Variants in GSAP observed in about 807,000 individuals in gnomAD.
The protein encoded by GSAP is gamma-secretase activating protein, also known as gamma-secretase-activating protein.
Under a neutral mutation model 131.7 loss-of-function variants are expected in GSAP, and 118 were observed. The observed-to-expected ratio is 0.90, with a 90% confidence interval of 0.77 to 1.04. The LOEUF is 1.04. GSAP is among the 50% of genes least tolerant of loss of function. The pLI, the probability that GSAP is intolerant of heterozygous loss-of-function variation, is 0.00. For missense variants in GSAP, 1,019 were observed against 1,013.2 expected (o/e 1.01, Z -0.08); for synonymous variants, 381 against 363.4 (o/e 1.05, Z -0.55).
intron 5 of GSAP, among the ~76,000 whole-genome samples, chr7:77,392,104 G>A (rs371935421): frequency 8.6e-5 from 13 of 151,988 alleles, no homozygotes; most frequent in Middle Eastern, 3.4e-3. Context: ...GGATGCCTGC[G>A]GTGCTGGCTA....
At chr7:77,367,014 G>C (rs1399049923) in intron 12 of GSAP, among the ~76,000 whole-genome samples, 1 of 152,086 alleles carries the variant, frequency 6.6e-6, no homozygotes, top group Non-Finnish European at 1.5e-5. Flanking sequence ...TTTCTGATTT[G>C]GCTCTTGACT....
chr7:77,312,493 G>A (rs1241202791), intron 28 of GSAP, among the ~76,000 whole-genome samples: 1 of 152,174 alleles, frequency 6.6e-6, no homozygotes, highest in Non-Finnish European at 1.5e-5. Flanking sequence ...AGATGGGCAT[G>A]CCAACTCTGA....
intron 10 of GSAP, among the ~76,000 whole-genome samples, chr7:77,375,708 G>A (rs1003129223): frequency 1.3e-5 from 2 of 151,980 alleles, no homozygotes; most frequent in Non-Finnish European, 2.9e-5. Context: ...GCTGGTCATG[G>A]TGACAGGTGC....
At chr7:77,351,778 C>T (rs960895037) in intron 18 of GSAP, 12 of 954,704 alleles carry the variant, frequency 1.3e-5, no homozygotes, top group Middle Eastern at 5.4e-4. Flanking sequence ...TTTAACACAA[C>T]CCTGGGAACC....
intron 5 of GSAP, among the ~76,000 whole-genome samples, chr7:77,392,928 C>G (rs756846698): frequency 1.3e-5 from 2 of 152,124 alleles, no homozygotes; most frequent in East Asian, 1.9e-4. Flanking sequence ...TGGAAATCTG[C>G]TGTGACTTGT....
chr7:77,339,688 T>C (rs77750950), intron 19 of GSAP, among the ~76,000 whole-genome samples: 4 of 150,684 alleles, frequency 2.7e-5, no homozygotes, highest in Non-Finnish European at 5.9e-5. Flanking sequence ...CAGAAACACA[T>C]GGAGGACATA....
rs752244308 is a variant in GSAP, at chr7:77,314,387, A to G, written c.2192T>C (p.Val731Ala). The part of the protein sequence containing the change: ...SGVLLLTETA[V>A]IRLMKDLDNT... The stretch of plus-strand genomic sequence containing the variant: ...CTTCTTACCTTTCATGAGCCTTATG[A>G]CAGCTGTTTCAGTGAGAAGCAACAC... The change falls in exon 27 of 31, where the codon GTC becomes GCC. Residue 731 changes from valine to alanine, a missense_variant. Coordinates refer to ENST00000257626, the MANE Select transcript of GSAP (RefSeq NM_017439.4). 2.7e-5 allele frequency: 44 copies of G among 1,613,756 alleles called. No individual in the cohort carries two copies. The highest frequency in any genetic ancestry group is 3.4e-5 in the Non-Finnish European group (40 of 1,179,782).
chr7:77,403,647 A>C (rs74946997), intron 3 of GSAP, among the ~76,000 whole-genome samples: 14,803 of 152,238 alleles, frequency 0.097, 835 homozygotes, highest in South Asian at 0.2. Flanking sequence ...GTTAAGCAGA[A>C]GCAGAAAGAG....
chr7:77,375,186 G>A (rs1796672733), intron 10 of GSAP, 85 bp from the exon 11 acceptor site: 4 of 723,068 alleles, frequency 5.5e-6, no homozygotes, highest in Admixed American at 2.6e-5. Context: ...AAGTAAACCA[G>A]AAAAATATTA....
chr7:77,377,348 C>T lies in GSAP; in HGVS notation c.619G>A (p.Glu207Lys), dbSNP rs1330458886. Residue 207 changes from glutamate (E) to lysine (K), a missense_variant, in exon 9 of 31, where the codon GAG becomes AAG. Transcript: ENST00000257626. ...SGHLPRDRIA[E>K]DFVWAQWDMS... ...TCCCACTGAGCCCAAACGAAATCCT[C>T]AGCTATTCTGTCTCTTGGGAGATGG... The T allele has an allele frequency of 3.2e-6, 5 of 1,577,840 alleles. No homozygotes were observed. In the African/African-American group the frequency reaches 5.7e-5, roughly 18 times the overall value.
At chr7:77,385,970 ACACAGTTCATTC>A (rs1180473837) in intron 6 of GSAP, among the ~76,000 whole-genome samples, 1 of 152,236 alleles carries the variant, frequency 6.6e-6, no homozygotes, top group Non-Finnish European at 1.5e-5. Context: ...GTGTGAACAC[ACACAGTTCATTC>A]AAATTATTTG....
At chr7:77,376,099 A>C (rs1417418990) in intron 10 of GSAP, among the ~76,000 whole-genome samples, 1 of 152,132 alleles carries the variant, frequency 6.6e-6, no homozygotes, top group African/African-American at 2.4e-5. Flanking sequence ...TTTATTCTCA[A>C]ATCCACCATC....
At chr7:77,377,448 AT>A in intron 8 of GSAP, 58 bp from the exon 9 acceptor site, 1 of 1,469,530 alleles carries the variant, frequency 6.8e-7, no homozygotes, top group Admixed American at 2.2e-5. Context: ...AAAGGAGAAC[AT>A]ATCTGGAATT....
At chr7:77,328,386 A>C in intron 22 of GSAP, 1 of 1,281,852 alleles carries the variant, frequency 7.8e-7, no homozygotes, top group Non-Finnish European at 9.9e-7. Flanking sequence ...AGGGACTCCC[A>C]TCGCAAAAGC....
intron 19 of GSAP, among the ~76,000 whole-genome samples, chr7:77,344,959 T>C (rs1458400567): frequency 6.6e-6 from 1 of 152,150 alleles, no homozygotes; most frequent in Non-Finnish European, 1.5e-5. Context: ...AAGAAAGGAC[T>C]CTGTATATTT....
intron 3 of GSAP, among the ~76,000 whole-genome samples, chr7:77,401,777 T>C (rs951685410): frequency 1.3e-5 from 2 of 152,152 alleles, no homozygotes; most frequent in African/African-American, 4.8e-5. Flanking sequence ...CTAAAGAATG[T>C]ATAGGAAATA....
chr7:77,324,043 GTCACAGGCTTTGGGA>G (rs756894188), intron 23 of GSAP, among the ~76,000 whole-genome samples: 1 of 152,186 alleles, frequency 6.6e-6, no homozygotes, highest in Non-Finnish European at 1.5e-5. Context: ...CAACTTAGAA[GTCACAGGCTTTGGGA>G]TCTACCAAAG....
Position 77,349,950 on chromosome 7 carries a change from G to A in GSAP, c.1492-546C>T, listed in dbSNP as rs1792537634. On this transcript the variant is annotated intron_variant, in intron 18 of 30. Transcript: ENST00000257626. ...TACCCAAAGGACTATAAATCATGCT[G>A]CTATAAAGACACATGCACACGTATG... 2.6e-5 allele frequency among the ~76,000 whole-genome samples: 4 copies of A among 152,164 alleles called. No homozygotes were observed. The South Asian group carries it at 8.3e-4, about 32-fold the overall frequency.
At chr7:77,340,940 C>A (rs1790819488) in intron 19 of GSAP, among the ~76,000 whole-genome samples, 1 of 152,144 alleles carries the variant, frequency 6.6e-6, no homozygotes. Context: ...ACCCTCCATT[C>A]CCCCTTCTGC....
Sources: allele counts gnomAD v4.1 joint callset (sites outside exome capture counted in the v4.1 genomes callset), GRCh38; gene constraint gnomAD v4.1.1; transcripts MANE v1.5; gene names NCBI Gene and HGNC (gene_info 2026-07-23, HGNC 2026-07-21).